The following TUBGCP2 variants were observed in gnomAD, a reference collection of about 807,000 sequenced individuals.
The protein encoded by TUBGCP2 is tubulin gamma complex component 2.
A neutral mutation model predicts 92.2 loss-of-function variants in TUBGCP2; 55 were observed. The observed-to-expected ratio is 0.60, with a 90% CI of 0.48 to 0.75. The LOEUF (loss-of-function observed/expected upper bound fraction) is 0.75. Among genes scored for constraint, TUBGCP2 ranks in the 30% least tolerant of loss-of-function variants. The pLI is 0.00. For missense variants in TUBGCP2, 1,093 were observed against 1,188.9 expected, an observed-to-expected ratio of 0.92 and a Z score of 1.19; for synonymous variants, 533 against 505.2, an observed-to-expected ratio of 1.06 and a Z score of -0.74.
chr10:133,310,151 G>T, upstream of TUBGCP2: 1 of 1,613,650 alleles, frequency 6.2e-7, no homozygotes, highest in Non-Finnish European at 8.5e-7. Context: ...AGGTGACACG[G>T]TCTCCATTTC....
At chr10:133,288,363 C>G (rs1262337427) in intron 10 of TUBGCP2, 54 bp from the exon 11 acceptor site, 5 of 1,596,294 alleles carry the variant, frequency 3.1e-6, no homozygotes, top group Non-Finnish European at 4.3e-6. Flanking sequence ...CCCGCCACAG[C>G]CAGGGAGCAG....
At chr10:133,283,313 C>A in intron 14 of TUBGCP2, 92 bp from the exon 15 acceptor site, 1 of 1,557,620 alleles carries the variant, frequency 6.4e-7, no homozygotes, top group Non-Finnish European at 8.8e-7. Context: ...TTTGTGCATT[C>A]CTGTTTACGC....
At chr10:133,282,437 CCT>C in intron 15 of TUBGCP2, 95 bp from the exon 16 acceptor site, 2 of 1,465,766 alleles carry the variant, frequency 1.4e-6, no homozygotes, top group East Asian at 2.4e-5. Context: ...ACCCTCCGCA[CCT>C]CTGTTGTAGC....
chr10:133,286,075 G>T (rs1847128270), intron 11 of TUBGCP2, among the ~76,000 whole-genome samples: 1 of 152,022 alleles, frequency 6.6e-6, no homozygotes, highest in Non-Finnish European at 1.5e-5. Context: ...CCAACCACCC[G>T]CAACAGAGTT....
chr10:133,279,870 G>A lies in TUBGCP2; in HGVS notation c.2605C>T (p.Leu869=), dbSNP rs775540971. ...CTCCTCTCTGCAGACAGGCGCTCCA[G>A]GCGCTCCGTGTAGAAACCATTGAAG... ...LDFNGFYTER[L]ERLSAERSQK... The change falls in exon 18 of 18, where the codon CTG becomes TTG. Residue 869 remains leucine, a synonymous_variant. Transcript: ENST00000252936. 11 of 1,608,810 alleles carry A rather than the reference G, an allele frequency of 6.8e-6. No individual in the cohort carries two copies. Among genetic ancestry groups the A allele is most frequent in the East Asian group, 2.2e-5 (1 of 44,646 alleles).
At chr10:133,298,832 T>C (rs999367778) in intron 4 of TUBGCP2, among the ~76,000 whole-genome samples, 2 of 152,200 alleles carry the variant, frequency 1.3e-5, no homozygotes, top group Non-Finnish European at 2.9e-5. Context: ...GCTGGGTCCT[T>C]GGGAGCCGCT....
rs370515445 is a variant in TUBGCP2, at chr10:133,288,948, G to A, written c.1433C>T (p.Thr478Met). Residue 478 changes from threonine (T) to methionine (M), a missense_variant, in exon 10 of 18, where the codon ACG becomes ATG. By Grantham distance (81) the Thr-to-Met change is moderately conservative. This residue lies in a region of TUBGCP2 where 598 missense variants were observed against 675.5 expected (regional missense o/e 0.89). Coordinates refer to ENST00000252936, the MANE Select transcript of TUBGCP2 (RefSeq NM_006659.4). ...TCPVAKEIIY[T>M]LKERAYVEQI... ...CTCCACATACGCCCGCTCTTTTAACGTGTAGATGATCTCTTTAGCCACCGG... is the reference window on the plus strand; with the variant it reads ...CTCCACATACGCCCGCTCTTTTAACATGTAGATGATCTCTTTAGCCACCGG... 57 of 1,614,112 alleles carry A rather than the reference G, an allele frequency of 3.5e-5. No individual in the cohort carries two copies. Among genetic ancestry groups the A allele is most frequent in the Non-Finnish European group, 4.3e-5 (51 of 1,180,046 alleles).
intron 5 of TUBGCP2, among the ~76,000 whole-genome samples, chr10:133,296,132 T>A (rs978603154): frequency 2.6e-5 from 4 of 152,204 alleles, no homozygotes; most frequent in Non-Finnish European, 5.9e-5. Context: ...TTGCTGCCAA[T>A]CACCGCCACG....
chr10:133,290,510 A>G (rs1276508318), intron 8 of TUBGCP2: 2 of 152,432 alleles, frequency 1.3e-5, no homozygotes, highest in Non-Finnish European at 2.9e-5. Context: ...AAAGAAAAAA[A>G]AAAAAAAGAA....
intron 10 of TUBGCP2, 95 bp downstream of exon 10, chr10:133,288,745 T>C: frequency 7.3e-7 from 1 of 1,364,366 alleles, no homozygotes; most frequent in Non-Finnish European, 9.9e-7. Flanking sequence ...AAGGCGGAGC[T>C]GCCAGAAGAA....
chr10:133,286,336 A>T (rs181220639), intron 11 of TUBGCP2, among the ~76,000 whole-genome samples: 21 of 152,278 alleles, frequency 1.4e-4, no homozygotes, highest in Admixed American at 1.4e-3. Context: ...GTGACCCAAC[A>T]ATTTCACTAC....
At position 133,288,841 on chromosome 10, in the gene TUBGCP2, T is replaced by C. The variant is rs1241745497; in HGVS notation, c.1540A>G (p.Arg514Gly). 7 of 1,608,454 alleles carry C rather than the reference T, an allele frequency of 4.4e-6. No homozygotes were observed. The highest frequency in any genetic ancestry group is 1.3e-5 in the African/African-American group (1 of 74,802). ...MEEKELVAHL[R>G]SIKRYFLMDQ... ...CACAGGGACAGGGCACGGAATCACCTGAGGTGAGCCACCAGCTCCTTCTCC... is the reference window on the plus strand; with the variant it reads ...CACAGGGACAGGGCACGGAATCACCCGAGGTGAGCCACCAGCTCCTTCTCC... The change falls in exon 10 of 18, where the codon AGG becomes GGG. Residue 514 changes from arginine (R) to glycine (G), a missense_variant and splice_region_variant. This residue lies in a region of TUBGCP2 where 598 missense variants were observed against 675.5 expected (regional missense o/e 0.89). Transcript: ENST00000252936.
Position 133,289,886 on chromosome 10 carries a change from G to A in TUBGCP2, c.1298C>T (p.Thr433Ile), listed in dbSNP as rs1670928837. ...YNDKYWDQRYTIVQQQIPSFL... is the reference protein window; with the variant it reads ...YNDKYWDQRYIIVQQQIPSFL... ...GGACGGGATCTGCTGCTGGACGATGGTGTACCGCTGGTCCCAGTACTTGTC... is the reference window on the plus strand; with the variant it reads ...GGACGGGATCTGCTGCTGGACGATGATGTACCGCTGGTCCCAGTACTTGTC... Residue 433 changes from threonine to isoleucine, a missense_variant, in exon 9 of 18, where the codon ACC becomes ATC. Physicochemically the swap from Thr to Ile is moderately conservative, Grantham distance 89 (BLOSUM62 -1). This residue lies in a region of TUBGCP2 where 598 missense variants were observed against 675.5 expected (regional missense o/e 0.89). Transcript: ENST00000252936. The A allele has an allele frequency of 6.2e-7, 1 of 1,614,140 alleles. No individual in the cohort carries two copies. The highest frequency in any genetic ancestry group is 1.3e-5 in the African/African-American group (1 of 74,936).
At chr10:133,309,135 C>T (rs1257472671), upstream of TUBGCP2, 1 of 1,384,442 alleles carries the variant, frequency 7.2e-7, no homozygotes, top group Non-Finnish European at 9.4e-7. Context: ...TTGTAGGATC[C>T]AGTGGGGCCT....
In TUBGCP2 at chr10:133,288,432, G is replaced by A. The variant is rs1000819998; in HGVS notation, c.1542-123C>T. 19 of 1,240,514 alleles carry A rather than the reference G, an allele frequency of 1.5e-5. No individual in the cohort carries two copies. In the East Asian group the frequency reaches 1.5e-4, roughly 10 times the overall value. The allele number at this position is 1,240,514 out of a possible 1,614,324, so 76.8% of individuals were successfully genotyped here. A position where few individuals can be genotyped will look rare whatever the true frequency, so the allele number is the denominator to read the frequency against. On this transcript the variant is annotated intron_variant, in intron 10 of 17. Coordinates refer to ENST00000252936, the MANE Select transcript of TUBGCP2 (RefSeq NM_006659.4). ...ACAGCCAGGGAGCAGGCGTGAGCACGTGCCCACCCGCAGGTGCCCGCCACG... is the reference window on the plus strand; with the variant it reads ...ACAGCCAGGGAGCAGGCGTGAGCACATGCCCACCCGCAGGTGCCCGCCACG...
Position 133,285,368 on chromosome 10 carries a change from G to A in TUBGCP2, c.1895+88C>T. 1 of 1,597,078 alleles carries A rather than the reference G, an allele frequency of 6.3e-7. No individual in the cohort carries two copies. The highest frequency in any genetic ancestry group is 8.5e-7 in the Non-Finnish European group (1 of 1,172,840). Reference sequence around the variant, plus strand: ...GGGAGAGCCGCCTTGGGTCCTCTGTGGGACGAGGTGGCCACCGCGTGGCAC... The same window carrying A: ...GGGAGAGCCGCCTTGGGTCCTCTGTAGGACGAGGTGGCCACCGCGTGGCAC... On this transcript the variant is annotated intron_variant, in intron 12 of 17. Coordinates refer to ENST00000252936, the MANE Select transcript of TUBGCP2 (RefSeq NM_006659.4). This position sits in a 1 kb window ranked among gnomAD's most constrained non-coding sequence, Gnocchi z 6.8.
Position 133,287,981 on chromosome 10 carries a change from C to T in TUBGCP2, c.1722+148G>A, listed in dbSNP as rs544424750. On this transcript the variant is annotated intron_variant, in intron 11 of 17. Coordinates refer to ENST00000252936, the MANE Select transcript of TUBGCP2 (RefSeq NM_006659.4). The stretch of plus-strand genomic sequence containing the variant: ...ACAAAGACCCCCGATCCCGGCAAGC[C>T]GGCCCCGGTAGCCAAGTGAAGGAAA... 34 of 1,157,776 alleles carry T rather than the reference C, an allele frequency of 2.9e-5. No homozygotes were observed. In the South Asian group the frequency reaches 3.6e-4, roughly 12 times the overall value. The allele number at this position is 1,157,776 out of a possible 1,614,324, so 71.7% of individuals were successfully genotyped here. A position where few individuals can be genotyped will look rare whatever the true frequency, so the allele number is the denominator to read the frequency against.
rs368694026 is a variant in TUBGCP2, at chr10:133,285,619, T to G, written c.1732A>C (p.Met578Leu). ...AGCTGAGTGATGAGGTCATGGGGCA[T>G]CAGGTCGATCTTGGAGGGAAGGAAA... Reference protein sequence around the residue: ...PFKDDLKIDLMPHDLITQLLR... With the variant: ...PFKDDLKIDLLPHDLITQLLR... Residue 578 changes from methionine to leucine, a missense_variant, in exon 12 of 18, where the codon ATG becomes CTG. Met to Leu is a conservative substitution (Grantham distance 15). This residue lies in a region of TUBGCP2 where 598 missense variants were observed against 675.5 expected (regional missense o/e 0.89). Coordinates refer to ENST00000252936, the MANE Select transcript of TUBGCP2 (RefSeq NM_006659.4). This position sits in a 1 kb window ranked among gnomAD's most constrained non-coding sequence, Gnocchi z 6.8. 6.6e-7 allele frequency: 1 copy of G among 1,513,036 alleles called. No homozygotes were observed. The highest frequency in any genetic ancestry group is 8.9e-7 in the Non-Finnish European group (1 of 1,129,750). 93.7% of individuals were successfully genotyped at this position (1,513,036 alleles called of 1,614,324 possible). A position where few individuals can be genotyped will look rare whatever the true frequency, so the allele number is the denominator to read the frequency against.
chr10:133,280,754 T>C lies in TUBGCP2; in HGVS notation c.2573+519A>G, dbSNP rs537745267. ...GGGTGCAGGGGAGATGGGGCCTGGA[T>C]GCAGGGACAGGTGCTGAGCTGGGGT... On this transcript the variant is annotated intron_variant, in intron 17 of 17. Coordinates refer to ENST00000252936, the MANE Select transcript of TUBGCP2 (RefSeq NM_006659.4). Among the ~76,000 whole-genome samples the C allele has an allele frequency of 2.1e-4, 32 of 152,260 alleles. No individual in the cohort carries two copies. The South Asian group carries it at 6.4e-3, about 31-fold the overall frequency.
Sources: allele counts gnomAD v4.1 joint callset (sites outside exome capture counted in the v4.1 genomes callset), GRCh38; gene constraint gnomAD v4.1.1; regional missense constraint gnomAD v4.1.1; non-coding constraint Gnocchi (gnomAD v3.1); transcripts MANE v1.5; gene names NCBI Gene and HGNC (gene_info 2026-07-23, HGNC 2026-07-21).